The following MORN1 variants were observed in gnomAD, a reference collection of about 807,000 sequenced individuals.
The protein encoded by MORN1 is MORN repeat-containing protein 1.
Under a neutral mutation model 61.9 loss-of-function variants are expected in MORN1, and 67 were observed. The ratio of observed to expected loss-of-function variants is 1.08; its 90% CI spans 0.89 to 1.33. The LOEUF (loss-of-function observed/expected upper bound fraction) is 1.33, where lower values mean the gene tolerates loss of function less well. Among genes scored for constraint, MORN1 ranks in the 40% most tolerant of loss-of-function variants. The probability of loss-of-function intolerance (pLI) is 0.00; values close to 1 mark genes in which losing one functional copy is unlikely to be tolerated. For missense variants in MORN1, 752 were observed against 691.2 expected, an observed-to-expected ratio of 1.09 and a Z score of -0.99; for synonymous variants, 301 against 292.0, an observed-to-expected ratio of 1.03 and a Z score of -0.31.
intron 3 of MORN1, chr1:2,387,759 T>A: frequency 1.8e-6 from 1 of 554,108 alleles, no homozygotes; most frequent in East Asian, 2.9e-5. Context: ...TCTTTGGGCA[T>A]CTATCCCGAG....
At chr1:2,331,636 T>G in intron 12 of MORN1, among the ~76,000 whole-genome samples, 1 of 152,180 alleles carries the variant, frequency 6.6e-6, no homozygotes, top group East Asian at 1.9e-4. Flanking sequence ...AACCCGGGCT[T>G]CCCTTGGGGC....
At chr1:2,358,963 G>A (rs932276040) in intron 8 of MORN1, among the ~76,000 whole-genome samples, 5 of 152,066 alleles carry the variant, frequency 3.3e-5, no homozygotes, top group African/African-American at 9.7e-5. Flanking sequence ...CAATACCCCT[G>A]TACCCCTGTA....
chr1:2,377,536 A>C lies in MORN1; in HGVS notation c.538-2979T>G, dbSNP rs553260890. 7.2e-5 allele frequency: 11 copies of C among 152,288 alleles called. No individual in the cohort carries two copies. The East Asian group carries it at 1.7e-3, about 24-fold the overall frequency. The allele number at this position is 152,288 out of a possible 1,614,324, so 9.4% of individuals were successfully genotyped here. A position where few individuals can be genotyped will look rare whatever the true frequency, so the allele number is the denominator to read the frequency against. ...GCAGGGACTGCTCTGGCGCTGGCCC[A>C]CTCCAAGCAGCCTGGGGCAGAAGAG... On this transcript the variant is annotated intron_variant, in intron 6 of 13. Coordinates refer to ENST00000378531, the MANE Select transcript of MORN1 (RefSeq NM_024848.3).
At chr1:2,325,498 G>A (rs576915610) in intron 12 of MORN1, among the ~76,000 whole-genome samples, 4 of 151,600 alleles carry the variant, frequency 2.6e-5, no homozygotes, top group Non-Finnish European at 5.9e-5. Flanking sequence ...ACAGGAGTGT[G>A]CCACCATGCC....
chr1:2,329,747 C>T (rs1641107013), intron 12 of MORN1, among the ~76,000 whole-genome samples: 1 of 152,212 alleles, frequency 6.6e-6, no homozygotes, highest in Admixed American at 6.5e-5. Context: ...ACGTGGGCCC[C>T]TTTGGGTCTG....
In MORN1 at chr1:2,358,581, C is replaced by A. The variant is rs996989467; in HGVS notation, c.869+11G>T. On this transcript the variant is annotated intron_variant, in intron 9 of 13. Transcript: ENST00000378531. ...ACTCAGAACTAACTCATTGGTGTCACACGTACTCACAATGGGGTCTGGATG... is the reference window on the plus strand; with the variant it reads ...ACTCAGAACTAACTCATTGGTGTCAAACGTACTCACAATGGGGTCTGGATG... The A allele has an allele frequency of 1.2e-6, 2 of 1,613,970 alleles. No individual in the cohort carries two copies. Among genetic ancestry groups the A allele is most frequent in the Non-Finnish European group, 1.7e-6 (2 of 1,179,970 alleles).
intron 12 of MORN1, among the ~76,000 whole-genome samples, chr1:2,330,659 G>C (rs1030125755): frequency 6.6e-6 from 1 of 152,184 alleles, no homozygotes; most frequent in Non-Finnish European, 1.5e-5. Flanking sequence ...CATTTTTCTC[G>C]GAGCCGAGGA....
intron 7 of MORN1, among the ~76,000 whole-genome samples, chr1:2,373,216 C>T (rs1238465460): frequency 6.6e-6 from 1 of 152,210 alleles, no homozygotes; most frequent in Non-Finnish European, 1.5e-5. Context: ...AAAGCAGATG[C>T]TGAGAGAACA....
rs1553211088 is a variant in MORN1 at position 2,342,872 on chromosome 1, T to TTTA, written c.1037-6023_1037-6022insTAA. Among the ~76,000 whole-genome samples, 68 of 85,730 alleles carry TTTA rather than the reference T, an allele frequency of 7.9e-4. 1 individual carries two copies. In the East Asian group the frequency reaches 9.9e-3, roughly 13 times the overall value. 56.2% of individuals were successfully genotyped at this position (85,730 alleles called of 152,430 possible). A position where few individuals can be genotyped will look rare whatever the true frequency, so the allele number is the denominator to read the frequency against. On this transcript the variant is annotated intron_variant, in intron 10 of 13. Transcript: ENST00000378531. ...ATTTTATTTTATTTTATTTTATTTA[T>TTTA]TTTATTTTATTTTATTTTATTTTAT... is the stretch of plus-strand genomic sequence containing the variant.
intron 12 of MORN1, among the ~76,000 whole-genome samples, chr1:2,333,029 G>A (rs945921069): frequency 6.6e-6 from 1 of 152,216 alleles, no homozygotes; most frequent in Admixed American, 6.5e-5. Flanking sequence ...TCTGGAACTG[G>A]AGAGTGGGAC....
chr1:2,322,865 TG>T, intron 13 of MORN1: 2 of 985,140 alleles, frequency 2.0e-6, no homozygotes, highest in Non-Finnish European at 2.4e-6. Context: ...ATGGGAAGGG[TG>T]GGCGGCAAGG....
intron 10 of MORN1, among the ~76,000 whole-genome samples, chr1:2,349,420 C>T (rs181417749): frequency 1.3e-5 from 2 of 152,292 alleles, no homozygotes. Flanking sequence ...CTCTGACATC[C>T]CTGCTTAGTT....
chr1:2,358,133 G>C (rs975410652), intron 9 of MORN1, among the ~76,000 whole-genome samples: 4 of 152,152 alleles, frequency 2.6e-5, no homozygotes, highest in African/African-American at 9.7e-5. Flanking sequence ...TGCACACACT[G>C]GCCTGGTCCA....
At chr1:2,385,990 G>C (rs1014158967) in intron 4 of MORN1, 93 bp from the exon 5 acceptor site, 1 of 1,085,148 alleles carries the variant, frequency 9.2e-7, no homozygotes, top group Non-Finnish European at 1.4e-6. Context: ...GCGGGCAGGA[G>C]CAAAGTAGCA....
chr1:2,377,860 A>C (rs1350615932), intron 6 of MORN1: 3 of 152,240 alleles, frequency 2.0e-5, no homozygotes, highest in Non-Finnish European at 4.4e-5. Flanking sequence ...ACCATTGCCA[A>C]ACCTTGGGCA....
At chr1:2,332,869 G>A (rs1041253046) in intron 12 of MORN1, 8 of 381,666 alleles carry the variant, frequency 2.1e-5, no homozygotes, top group South Asian at 7.8e-5. Context: ...GCTGCGCCTC[G>A]AGGGGCCAAG....
chr1:2,387,082 C>A (rs1490366427), intron 4 of MORN1: 2 of 349,372 alleles, frequency 5.7e-6, no homozygotes, highest in East Asian at 1.1e-4. Context: ...GACCAGAAGC[C>A]CCTCCCTGCA....
chr1:2,358,489 G>A, intron 9 of MORN1, 103 bp downstream of exon 9: 2 of 1,452,866 alleles, frequency 1.4e-6, no homozygotes, highest in Non-Finnish European at 1.9e-6. Flanking sequence ...TCATAACCAG[G>A]ACTTAGCCCA....
At chr1:2,366,869 G>A (rs1433637348) in intron 8 of MORN1, among the ~76,000 whole-genome samples, 2 of 152,032 alleles carry the variant, frequency 1.3e-5, no homozygotes, top group Non-Finnish European at 2.9e-5. Context: ...ATTTCAATAT[G>A]CTACTCTCAA....
Sources: gnomAD v4.1 joint callset for allele counts (sites outside exome capture counted in the v4.1 genomes callset) on GRCh38, gnomAD v4.1.1 for gene constraint, MANE v1.5 for transcripts, NCBI Gene and HGNC (gene_info 2026-07-23, HGNC 2026-07-21) for gene names.